Variants in RNFT2 observed in about 807,000 individuals in gnomAD.
The protein encoded by RNFT2 is E3 ubiquitin-protein ligase RNFT2.
In RNFT2, 36 loss-of-function variants were observed where a neutral mutation model predicts 53.0. The ratio of observed to expected loss-of-function variants is 0.68; its 90% CI spans 0.52 to 0.90. RNFT2 has a LOEUF of 0.90. Ranked by LOEUF, RNFT2 falls within the 40% of genes least tolerant of loss-of-function variation. The pLI, the probability that RNFT2 is intolerant of heterozygous loss-of-function variation, is 0.00. For synonymous variants in RNFT2, 260 were observed against 253.2 expected (o/e 1.03, Z -0.26); for missense variants, 514 against 585.6 (o/e 0.88, Z 1.26).
chr12:116,788,361 G>C (rs1874033629), intron 7 of RNFT2, among the ~76,000 whole-genome samples: 2 of 152,212 alleles, frequency 1.3e-5, no homozygotes, highest in South Asian at 2.1e-4. Flanking sequence ...CAATCTTCTA[G>C]AGTGGGCTGC....
chr12:116,840,689 C>T (rs1877205070), intron 10 of RNFT2, among the ~76,000 whole-genome samples: 1 of 152,180 alleles, frequency 6.6e-6, no homozygotes, highest in Admixed American at 6.5e-5. Flanking sequence ...CTGAGCAATG[C>T]ATTTCATTGT....
intron 7 of RNFT2, among the ~76,000 whole-genome samples, chr12:116,826,723 A>T (rs1357842436): frequency 6.6e-6 from 1 of 152,154 alleles, no homozygotes; most frequent in East Asian, 1.9e-4. Flanking sequence ...CTCCTCCATC[A>T]GCAAACTGTA....
intron 5 of RNFT2, among the ~76,000 whole-genome samples, chr12:116,759,959 G>C (rs1470093417): frequency 1.3e-5 from 2 of 152,154 alleles, no homozygotes; most frequent in African/African-American, 4.8e-5. Flanking sequence ...GGGTGGGTAG[G>C]AGGGAAGGAC....
intron 7 of RNFT2, among the ~76,000 whole-genome samples, chr12:116,782,538 A>T (rs1873761469): frequency 6.6e-6 from 1 of 152,160 alleles, no homozygotes; most frequent in Non-Finnish European, 1.5e-5. Context: ...TAAAAAAAAT[A>T]AAATAAAAAA....
At chr12:116,797,562 G>T (rs1286839151) in intron 7 of RNFT2, among the ~76,000 whole-genome samples, 1 of 151,498 alleles carries the variant, frequency 6.6e-6, no homozygotes, top group Non-Finnish European at 1.5e-5. Context: ...AAGTTATTAA[G>T]TTAGAGTGAG....
At chr12:116,741,280 T>A (rs990641018) in intron 3 of RNFT2, among the ~76,000 whole-genome samples, 186 bp downstream of exon 3, 2 of 152,234 alleles carry the variant, frequency 1.3e-5, no homozygotes, top group Admixed American at 6.5e-5. Context: ...CAAAGTCCTG[T>A]GTGATAGGTG....
rs1476883676 is a variant in RNFT2 at position 116,809,864 on chromosome 12, A to G, written c.883-23928A>G. Among the ~76,000 whole-genome samples, 4 of 152,114 alleles carry G rather than the reference A, an allele frequency of 2.6e-5. No individual in the cohort carries two copies. In the East Asian group the frequency reaches 7.7e-4, roughly 29 times the overall value. ...ATTTTTTGTATTTTTTAGTAAAGAC[A>G]GGGTTTCACCATGTTGGCCAGGCTG... On this transcript the variant is annotated intron_variant, in intron 7 of 10. Coordinates refer to ENST00000257575, the MANE Select transcript of RNFT2 (RefSeq NM_001382266.1).
intron 7 of RNFT2, among the ~76,000 whole-genome samples, chr12:116,786,217 G>C (rs997193624): frequency 6.6e-6 from 1 of 151,714 alleles, no homozygotes; most frequent in African/African-American, 2.4e-5. Flanking sequence ...CACCTCCCAG[G>C]TTCAAGGTAT....
intron 7 of RNFT2, among the ~76,000 whole-genome samples, chr12:116,794,809 A>G (rs1331730463): frequency 6.6e-6 from 1 of 152,004 alleles, no homozygotes; most frequent in Non-Finnish European, 1.5e-5. Context: ...TTCCCACCGC[A>G]TGGAGTTCGG....
At chr12:116,797,207 A>C (rs1275267195) in intron 7 of RNFT2, among the ~76,000 whole-genome samples, 1 of 152,134 alleles carries the variant, frequency 6.6e-6, no homozygotes, top group Non-Finnish European at 1.5e-5. Context: ...GCCCCCCAAA[A>C]TATGTGTGTT....
At chr12:116,792,482 G>A (rs1430521376) in intron 7 of RNFT2, among the ~76,000 whole-genome samples, 1 of 152,076 alleles carries the variant, frequency 6.6e-6, no homozygotes, top group Non-Finnish European at 1.5e-5. Flanking sequence ...GAGGAGGCGG[G>A]GATGGACCCA....
Position 116,849,317 on chromosome 12 carries a change from G to A in RNFT2, c.1204G>A (p.Val402Met), listed in dbSNP as rs569048086. The A allele has an allele frequency of 3.9e-6, 6 of 1,538,498 alleles. No homozygotes were observed. Among genetic ancestry groups the A allele is most frequent in the South Asian group, 1.2e-5 (1 of 83,900 alleles). The change falls in exon 11 of 11, where the codon GTG (valine) becomes ATG (methionine). Residue 402 changes from valine to methionine, a missense_variant. This residue lies in a region of RNFT2 where 273 missense variants were observed against 334.4 expected (regional missense o/e 0.82). Transcript: ENST00000257575. ...REPLILLCQH[V>M]FCEECLCLWL... is the part of the protein sequence containing the mutation. Reference sequence around the variant, plus strand: ...CTGCTGATTGCTGTCCCCGCAGCACGTGTTCTGTGAGGAGTGCCTCTGCCT... The same window carrying A: ...CTGCTGATTGCTGTCCCCGCAGCACATGTTCTGTGAGGAGTGCCTCTGCCT...
chr12:116,829,331 C>G (rs1343733234), intron 7 of RNFT2, among the ~76,000 whole-genome samples: 1 of 152,140 alleles, frequency 6.6e-6, no homozygotes, highest in Non-Finnish European at 1.5e-5. Context: ...CATCTCTGTA[C>G]TCCAGTCACC....
At chr12:116,826,026 T>C (rs1260297357) in intron 7 of RNFT2, among the ~76,000 whole-genome samples, 2 of 152,160 alleles carry the variant, frequency 1.3e-5, no homozygotes, top group Non-Finnish European at 2.9e-5. Flanking sequence ...TTTCATACAT[T>C]GAAGCTGCTG....
chr12:116,763,161 A>C (rs1470280166), intron 5 of RNFT2, among the ~76,000 whole-genome samples: 1 of 113,350 alleles, frequency 8.8e-6, no homozygotes, highest in Non-Finnish European at 1.8e-5. Context: ...TAGTTTTCAA[A>C]AGTCTGTGCT....
chr12:116,849,244 C>A, intron 10 of RNFT2, 70 bp from the exon 11 acceptor site: 3 of 1,341,640 alleles, frequency 2.2e-6, no homozygotes, highest in Admixed American at 2.1e-5. Flanking sequence ...GCTGCCCCTT[C>A]TCCTGCTCCC....
chr12:116,813,734 G>A (rs1875500745), intron 7 of RNFT2, among the ~76,000 whole-genome samples: 2 of 152,232 alleles, frequency 1.3e-5, no homozygotes, highest in African/African-American at 2.4e-5. Flanking sequence ...TCATGAGAAT[G>A]TTGCAGATAT....
At chr12:116,774,937 A>G (rs1043506515) in intron 6 of RNFT2, among the ~76,000 whole-genome samples, 1 of 136,374 alleles carries the variant, frequency 7.3e-6, no homozygotes, top group Non-Finnish European at 1.5e-5. Context: ...GCACAGAAAG[A>G]GAGAGAGAGA....
chr12:116,763,986 C>T (rs1872804310), intron 5 of RNFT2, among the ~76,000 whole-genome samples: 1 of 151,998 alleles, frequency 6.6e-6, no homozygotes, highest in Non-Finnish European at 1.5e-5. Flanking sequence ...GGTAAAGAAA[C>T]TGGTATATGT....
Sources: allele counts gnomAD v4.1 joint callset (sites outside exome capture counted in the v4.1 genomes callset), GRCh38; gene constraint gnomAD v4.1.1; regional missense constraint gnomAD v4.1.1; transcripts MANE v1.5; gene names NCBI Gene and HGNC (gene_info 2026-07-23, HGNC 2026-07-21).